C8orf34: variants seen among roughly 807,000 people sequenced by gnomAD.
C8orf34 encodes the protein uncharacterized protein C8orf34.
C8orf34 carries 65 observed loss-of-function variants against 68.3 expected under a neutral mutation model. The ratio of observed to expected loss-of-function variants is 0.95; its 90% CI spans 0.78 to 1.17. C8orf34 has a LOEUF of 1.17. C8orf34 is among the 50% of genes most tolerant of loss of function. The pLI, the probability that C8orf34 is intolerant of heterozygous loss-of-function variation, is 0.00. For missense variants in C8orf34, 664 were observed against 655.4 expected (o/e 1.01, Z -0.14); for synonymous variants, 244 against 241.2 (o/e 1.01, Z -0.11).
chr8:68,684,613 CATT>C (rs1185032252), intron 8 of C8orf34, among the ~76,000 whole-genome samples: 1 of 152,028 alleles, frequency 6.6e-6, no homozygotes, highest in Non-Finnish European at 1.5e-5. Flanking sequence ...TAATCTCTGA[CATT>C]ATATATGATT....
chr8:68,725,953 AG>A (rs1424389736), intron 10 of C8orf34, among the ~76,000 whole-genome samples: 2 of 151,858 alleles, frequency 1.3e-5, no homozygotes, highest in Non-Finnish European at 2.9e-5. Context: ...CTGTCACCCA[AG>A]CTGGAGTGCA....
At chr8:68,426,895 A>G (rs536804279) in intron 1 of C8orf34, among the ~76,000 whole-genome samples, 1 of 152,084 alleles carries the variant, frequency 6.6e-6, no homozygotes, top group Admixed American at 6.5e-5. Context: ...AAACCAAACC[A>G]AACCAAACAA....
At chr8:68,455,660 T>G (rs542326920) in intron 3 of C8orf34, among the ~76,000 whole-genome samples, 3 of 152,224 alleles carry the variant, frequency 2.0e-5, no homozygotes, top group Non-Finnish European at 4.4e-5. Flanking sequence ...GTCAGCACAT[T>G]ATACATGTAG....
At chr8:68,793,315 A>G (rs1824069345) in intron 12 of C8orf34, among the ~76,000 whole-genome samples, 1 of 152,188 alleles carries the variant, frequency 6.6e-6, no homozygotes, top group African/African-American at 2.4e-5. Flanking sequence ...CAGAGAAACT[A>G]CTGTGTATGA....
intron 1 of C8orf34, among the ~76,000 whole-genome samples, chr8:68,409,113 G>C (rs553769191): frequency 6.6e-6 from 1 of 152,262 alleles, no homozygotes; most frequent in South Asian, 2.1e-4. Context: ...TAAAAGTATA[G>C]CACATACCAT....
intron 1 of C8orf34, among the ~76,000 whole-genome samples, chr8:68,352,568 G>T (rs1806556475): frequency 6.6e-6 from 1 of 152,062 alleles, no homozygotes; most frequent in Non-Finnish European, 1.5e-5. Flanking sequence ...GGGGAAAAGT[G>T]ATCCAGCTTT....
chr8:68,438,663 C>T (rs1314143224), intron 1 of C8orf34: 1 of 152,148 alleles, frequency 6.6e-6, no homozygotes, highest in East Asian at 1.9e-4. Context: ...AGTTCACAAA[C>T]CCAATTACAC....
intron 7 of C8orf34, among the ~76,000 whole-genome samples, chr8:68,589,631 G>A (rs1045318028): frequency 2.7e-5 from 4 of 146,806 alleles, no homozygotes; most frequent in African/African-American, 1.0e-4. Flanking sequence ...AAGAAAGAAG[G>A]AGGAGAGAAG....
At chr8:68,593,690 T>TA (rs1378096539) in intron 7 of C8orf34, among the ~76,000 whole-genome samples, 4 of 152,086 alleles carry the variant, frequency 2.6e-5, no homozygotes, top group Non-Finnish European at 4.4e-5. Flanking sequence ...TTTTCTGTCT[T>TA]GCCAAAGATT....
chr8:68,619,254 A>G (rs1283520884), intron 7 of C8orf34, among the ~76,000 whole-genome samples: 1 of 152,234 alleles, frequency 6.6e-6, no homozygotes, highest in Admixed American at 6.5e-5. Flanking sequence ...TGAGCCTGGG[A>G]GACAGAGGTT....
chr8:68,668,724 A>G (rs1819917057), intron 8 of C8orf34, among the ~76,000 whole-genome samples: 1 of 152,202 alleles, frequency 6.6e-6, no homozygotes, highest in African/African-American at 2.4e-5. Flanking sequence ...TTACAAATAG[A>G]GAGCATTCTC....
intron 12 of C8orf34, among the ~76,000 whole-genome samples, chr8:68,795,350 G>A (rs1409923955): frequency 7.5e-5 from 11 of 146,410 alleles, no homozygotes; most frequent in South Asian, 2.2e-4. Flanking sequence ...TCCTATTTAT[G>A]GGCCACAATT....
intron 10 of C8orf34, among the ~76,000 whole-genome samples, chr8:68,748,712 G>C (rs1172078242): frequency 1.3e-5 from 2 of 151,914 alleles, no homozygotes; most frequent in Admixed American, 6.6e-5. Flanking sequence ...AGTTAGAATG[G>C]CAATCATTAA....
rs551332129 is a variant in C8orf34 at position 68,548,684 on chromosome 8, C to T, written c.1105+15535C>T. 5.7e-4 allele frequency among the ~76,000 whole-genome samples: 86 copies of T among 151,696 alleles called. 2 individuals are homozygous for T. In the South Asian group the frequency reaches 0.016, roughly 28 times the overall value. On this transcript the variant is annotated intron_variant, in intron 7 of 13. Coordinates refer to ENST00000518698, the MANE Select transcript of C8orf34 (RefSeq NM_052958.4). ...ACATAGTCATTCCTAGATATTTTCC[C>T]AAAAGGTGATAAAATATATGTTCAC...
intron 5 of C8orf34, among the ~76,000 whole-genome samples, chr8:68,498,262 G>C (rs947230498): frequency 2.0e-5 from 3 of 152,196 alleles, no homozygotes; most frequent in African/African-American, 7.2e-5. Context: ...TGGTATGGGG[G>C]TAGAAATAAA....
At chr8:68,395,348 C>T (rs1808651743) in intron 1 of C8orf34, among the ~76,000 whole-genome samples, 1 of 116,904 alleles carries the variant, frequency 8.6e-6, no homozygotes, top group African/African-American at 3.2e-5. Context: ...CTCTCTTTCT[C>T]TCTGTGTGTC....
chr8:68,509,563 C>G (rs113897436), intron 5 of C8orf34, among the ~76,000 whole-genome samples: 1 of 151,848 alleles, frequency 6.6e-6, no homozygotes, highest in African/African-American at 2.4e-5. Context: ...TCTCATAGTA[C>G]AGAGACACAA....
intron 3 of C8orf34, among the ~76,000 whole-genome samples, chr8:68,465,976 TAAG>T (rs201821608): frequency 4.5e-4 from 65 of 145,456 alleles, no homozygotes; most frequent in African/African-American, 1.5e-3. Flanking sequence ...TAAAATAAAA[TAAG>T]AAATTCTAAT....
At chr8:68,698,626 G>A (rs901240228) in intron 8 of C8orf34, among the ~76,000 whole-genome samples, 3 of 152,022 alleles carry the variant, frequency 2.0e-5, no homozygotes, top group African/African-American at 4.8e-5. Flanking sequence ...AGGTTTTGGC[G>A]ATTTTTCAAA....
Sources: gnomAD v4.1 joint callset for allele counts (sites outside exome capture counted in the v4.1 genomes callset) on GRCh38, gnomAD v4.1.1 for gene constraint, MANE v1.5 for transcripts, NCBI Gene and HGNC (gene_info 2026-07-23, HGNC 2026-07-21) for gene names.